SCAF8: variants seen among roughly 807,000 people sequenced by gnomAD.
The protein encoded by SCAF8 is SR-related and CTD-associated factor 8.
In SCAF8, 23 loss-of-function variants were observed where a neutral mutation model predicts 140.5. That is an observed-to-expected ratio of 0.16 (90% confidence interval 0.12 to 0.23). The LOEUF (loss-of-function observed/expected upper bound fraction) is 0.23. Among genes scored for constraint, SCAF8 ranks in the 10% least tolerant of loss-of-function variants. The pLI is 1.00. For synonymous variants in SCAF8, 575 were observed against 528.9 expected, an observed-to-expected ratio of 1.09 and a Z score of -1.20; for missense variants, 1,397 against 1,555.7, an observed-to-expected ratio of 0.90 and a Z score of 1.72.
intron 5 of SCAF8, among the ~76,000 whole-genome samples, chr6:154,794,782 T>G (rs1038726743): frequency 0.11 from 579 of 5,236 alleles, 8 homozygotes; most frequent in Middle Eastern, 0.3. Context: ...GTGTGGGGGG[T>G]GTGTGTGTGT....
chr6:154,797,367 T>A (rs1320252540), intron 6 of SCAF8, among the ~76,000 whole-genome samples: 1 of 151,488 alleles, frequency 6.6e-6, no homozygotes, highest in African/African-American at 2.4e-5. Flanking sequence ...TCCATCATTT[T>A]AATTCTTTGC....
Position 154,833,747 on chromosome 6 carries a change from G to A in SCAF8, c.*352G>A, listed in dbSNP as rs544404491. The A allele has an allele frequency of 5.5e-6, 1 of 183,318 alleles. No homozygotes were observed. Among genetic ancestry groups the A allele is most frequent in the African/African-American group, 2.4e-5 (1 of 42,104 alleles). 11.4% of individuals were successfully genotyped at this position (183,318 alleles called of 1,614,324 possible). ...TGGATATGGTAATAGATATATTTCA[G>A]AATAGCAAGTGGTGGTATATCTTAT... is the stretch of plus-strand genomic sequence containing the variant. On this transcript the variant is annotated 3_prime_UTR_variant, in exon 20 of 20. Coordinates refer to ENST00000367178, the MANE Select transcript of SCAF8 (RefSeq NM_014892.5).
At chr6:154,796,949 G>C (rs899060025) in intron 6 of SCAF8, among the ~76,000 whole-genome samples, 6 of 151,444 alleles carry the variant, frequency 4.0e-5, no homozygotes, top group Non-Finnish European at 8.8e-5. Context: ...TGTAGCCTGG[G>C]TGACAGAGTG....
intron 1 of SCAF8, among the ~76,000 whole-genome samples, chr6:154,773,315 T>C (rs1437147864): frequency 6.6e-6 from 1 of 152,220 alleles, no homozygotes; most frequent in South Asian, 2.1e-4. Flanking sequence ...ATATGCTGCC[T>C]TTTTCACCTG....
intron 5 of SCAF8, among the ~76,000 whole-genome samples, chr6:154,794,077 A>G (rs1328811694): frequency 2.0e-5 from 3 of 151,672 alleles, no homozygotes; most frequent in Admixed American, 2.0e-4. Flanking sequence ...ATGCACTACC[A>G]TGCCTGGCTA....
chr6:154,768,124 AT>A (rs1188772630), intron 1 of SCAF8, among the ~76,000 whole-genome samples: 1 of 152,212 alleles, frequency 6.6e-6, no homozygotes, highest in Non-Finnish European at 1.5e-5. Context: ...TGACAGCTTC[AT>A]GAATTTCCTT....
At chr6:154,804,779 C>G (rs1033605080) in intron 8 of SCAF8, among the ~76,000 whole-genome samples, 1 of 152,094 alleles carries the variant, frequency 6.6e-6, no homozygotes, top group South Asian at 2.1e-4. Flanking sequence ...TAATGTCTTA[C>G]CTTGTGGCAC....
intron 1 of SCAF8, among the ~76,000 whole-genome samples, chr6:154,773,221 T>G (rs1438626058): frequency 6.6e-6 from 1 of 152,226 alleles, no homozygotes; most frequent in African/African-American, 2.4e-5. Flanking sequence ...CAATGATTCC[T>G]CATTTATCTC....
intron 2 of SCAF8, among the ~76,000 whole-genome samples, chr6:154,776,009 A>G (rs558026644): frequency 3.3e-5 from 5 of 152,180 alleles, no homozygotes; most frequent in African/African-American, 1.2e-4. Flanking sequence ...CTGAGAATAA[A>G]GACATTTTCC....
rs563048315 is a variant in SCAF8, at chr6:154,811,481, T to C, written c.1420+1273T>C. On this transcript the variant is annotated intron_variant, in intron 12 of 19. Coordinates refer to ENST00000367178, the MANE Select transcript of SCAF8 (RefSeq NM_014892.5). Reference sequence around the variant, plus strand: ...GTGCTGAACGTGCAGGTTTGTTACATAGGTACACAGGTGCCATGGTGGTTT... The same window carrying C: ...GTGCTGAACGTGCAGGTTTGTTACACAGGTACACAGGTGCCATGGTGGTTT... Among the ~76,000 whole-genome samples the C allele has an allele frequency of 3.4e-3, 513 of 152,174 alleles. 1 individual carries two copies. Among genetic ancestry groups the C allele is most frequent in the Admixed American group, 4.5e-3 (69 of 15,282 alleles).
At chr6:154,826,646 C>T (rs1318095717) in intron 17 of SCAF8, among the ~76,000 whole-genome samples, 1 of 152,040 alleles carries the variant, frequency 6.6e-6, no homozygotes, top group African/African-American at 2.4e-5. Flanking sequence ...ACTCGGGAGG[C>T]TGAAGTAGTA....
rs1467822671 is a variant in SCAF8, at chr6:154,792,921, T to C, written c.420T>C (p.Pro140=). 1.2e-6 allele frequency: 2 copies of C among 1,613,968 alleles called. No homozygotes were observed. The highest frequency in any genetic ancestry group is 1.7e-6 in the Non-Finnish European group (2 of 1,179,932). The change falls in exon 5 of 20, where the codon CCT becomes CCC. Residue 140 remains proline, a synonymous_variant. Transcript: ENST00000367178. ...PLLDMAAGIP[P]PVVTPVLAST... is the part of the protein sequence containing the mutation. Reference sequence around the variant, plus strand: ...TGGATATGGCAGCCGGGATTCCGCCTCCAGTTGTCACACCTGTTTTGGCCA... The same window carrying C: ...TGGATATGGCAGCCGGGATTCCGCCCCCAGTTGTCACACCTGTTTTGGCCA...
chr6:154,763,490 A>G (rs1435395993), intron 1 of SCAF8, among the ~76,000 whole-genome samples: 1 of 152,166 alleles, frequency 6.6e-6, no homozygotes, highest in Non-Finnish European at 1.5e-5. Context: ...CAAAATGTTG[A>G]TGGTTCTCTG....
At position 154,832,852 on chromosome 6, in the gene SCAF8, G is replaced by A; in HGVS notation, c.3273G>A (p.Lys1091=). 1 of 1,614,056 alleles carries A rather than the reference G, an allele frequency of 6.2e-7. No homozygotes were observed. The highest frequency in any genetic ancestry group is 1.7e-5 in the Admixed American group (1 of 59,996). Residue 1091 remains lysine (K), a synonymous_variant, in exon 20 of 20, where the codon AAG becomes AAA. Transcript: ENST00000367178. ...RRDHFGFNPE[K]PWGHRGDFDE... is the part of the protein sequence containing the mutation. ...ACCACTTTGGCTTTAATCCAGAGAA[G>A]CCCTGGGGGCATAGAGGAGATTTTG...
At chr6:154,779,214 T>C (rs190727706) in intron 3 of SCAF8, among the ~76,000 whole-genome samples, 2 of 152,214 alleles carry the variant, frequency 1.3e-5, no homozygotes, top group Admixed American at 6.5e-5. Context: ...TTTGTATTTT[T>C]AGTAGAGATG....
chr6:154,820,280 A>G lies in SCAF8; in HGVS notation c.1739A>G (p.Asp580Gly). The G allele has an allele frequency of 1.2e-6, 2 of 1,612,412 alleles. No individual in the cohort carries two copies. Among genetic ancestry groups the G allele is most frequent in the South Asian group, 1.1e-5 (1 of 90,814 alleles). Reference sequence around the variant, plus strand: ...CCATGGGAAAAAGTTAAAGTGGATGACTTGGAAGGTTTTGCAGAAGGAGGC... The same window carrying G: ...CCATGGGAAAAAGTTAAAGTGGATGGCTTGGAAGGTTTTGCAGAAGGAGGC... ...YIPWEKVKVD[D>G]LEGFAEGGMI... The change falls in exon 15 of 20, where the codon GAC becomes GGC. Residue 580 changes from aspartate (D) to glycine (G), a missense_variant. By Grantham distance (94) the Asp-to-Gly change is moderately conservative. Transcript: ENST00000367178.
intron 4 of SCAF8, among the ~76,000 whole-genome samples, chr6:154,791,497 T>TG (rs1370759851): frequency 6.6e-6 from 1 of 152,190 alleles, no homozygotes; most frequent in East Asian, 1.9e-4. Context: ...CCTCCCAAGA[T>TG]GCTCAAAATT....
intron 4 of SCAF8, 131 bp from the exon 5 acceptor site, chr6:154,792,692 T>C (rs1380138326): frequency 1.4e-5 from 8 of 571,848 alleles, no homozygotes; most frequent in Non-Finnish European, 2.3e-5. Flanking sequence ...CATAGAATTT[T>C]AGGGCTAGAA....
At chr6:154,758,327 T>C (rs2114819537) in intron 1 of SCAF8, among the ~76,000 whole-genome samples, 1 of 152,362 alleles carries the variant, frequency 6.6e-6, no homozygotes, top group African/African-American at 2.4e-5. Flanking sequence ...AACGTCAGGA[T>C]GCGAGTTCTG....
Sources: gnomAD v4.1 joint callset for allele counts (sites outside exome capture counted in the v4.1 genomes callset) on GRCh38, gnomAD v4.1.1 for gene constraint, MANE v1.5 for transcripts, NCBI Gene and HGNC (gene_info 2026-07-23, HGNC 2026-07-21) for gene names.